Variants in ERAP1 observed in about 807,000 individuals in gnomAD.
ERAP1 encodes the protein adipocyte-derived leucine aminopeptidase.
ERAP1 carries 86 observed loss-of-function variants against 103.7 expected under a neutral mutation model. The ratio of observed to expected loss-of-function variants is 0.83; its 90% CI spans 0.70 to 0.99. The LOEUF is 0.99. Ranked by LOEUF, ERAP1 falls within the 50% of genes least tolerant of loss-of-function variation. The pLI, the probability that ERAP1 is intolerant of heterozygous loss-of-function variation, is 0.00. For missense variants in ERAP1, 1,009 were observed against 1,128.4 expected (o/e 0.89, Z 1.52); for synonymous variants, 398 against 402.4 (o/e 0.99, Z 0.13).
the ERAP1 span, chr5:96,881,323 C>T: frequency 2.3e-6 from 1 of 436,002 alleles, no homozygotes; most frequent in Non-Finnish European, 4.6e-6. Flanking sequence ...AGTGGCAGTG[C>T]TTATGGAGTG....
intron 18 of ERAP1, 172 bp from the exon 19 acceptor site, chr5:96,776,723 C>T (rs1774372732): frequency 2.4e-6 from 2 of 840,136 alleles, no homozygotes; most frequent in African/African-American, 3.4e-5. Context: ...TGAGCTCATG[C>T]CTCATGATGT....
the ERAP1 span, among the ~76,000 whole-genome samples, chr5:96,890,179 C>G: frequency 3.3e-5 from 5 of 152,152 alleles, no homozygotes. Context: ...TGTAGAGAAG[C>G]GATCCCCAAC....
chr5:96,822,427 G>A, the ERAP1 span, among the ~76,000 whole-genome samples: 83 of 152,244 alleles, frequency 5.5e-4, no homozygotes, highest in African/African-American at 1.9e-3. Context: ...ACATTGCTCA[G>A]GAACAAAGGT....
the ERAP1 span, chr5:96,892,518 A>G: frequency 4.5e-6 from 7 of 1,572,226 alleles, no homozygotes; most frequent in Non-Finnish European, 6.1e-6. Flanking sequence ...AACACGACCA[A>G]TCTTCCTGAA....
chr5:96,875,977 T>C, the ERAP1 span: 10 of 152,304 alleles, frequency 6.6e-5, no homozygotes, highest in African/African-American at 2.4e-4. Flanking sequence ...ATCAAAGAGA[T>C]GAGCATGAGA....
At chr5:96,776,921 T>G (rs1001026188) in intron 18 of ERAP1, 2 of 205,076 alleles carry the variant, frequency 9.8e-6, no homozygotes, top group African/African-American at 4.8e-5. Flanking sequence ...ATGTGCAGAG[T>G]CTTTTCTTTG....
the ERAP1 span, among the ~76,000 whole-genome samples, chr5:96,861,600 A>G: frequency 6.6e-6 from 1 of 152,230 alleles, no homozygotes; most frequent in African/African-American, 2.4e-5. Context: ...CTCAGTAATA[A>G]TAAGCACTAA....
At chr5:96,888,339 G>A in the ERAP1 span, among the ~76,000 whole-genome samples, 1 of 152,180 alleles carries the variant, frequency 6.6e-6, no homozygotes, top group Non-Finnish European at 1.5e-5. Context: ...CAGAGGACAG[G>A]TTCCTGTCAG....
At chr5:96,883,465 C>A in the ERAP1 span, among the ~76,000 whole-genome samples, 1 of 152,140 alleles carries the variant, frequency 6.6e-6, no homozygotes, top group Non-Finnish European at 1.5e-5. Flanking sequence ...ATGTAGACAA[C>A]ATGTGTACTA....
At chr5:96,895,848 C>G in the ERAP1 span, among the ~76,000 whole-genome samples, 3 of 152,214 alleles carry the variant, frequency 2.0e-5, no homozygotes, top group South Asian at 6.2e-4. Context: ...CACAAATTTG[C>G]ATATCAAGGT....
At chr5:96,773,609 ATATATT>A (rs1210706258), downstream of ERAP1, 1 of 151,938 alleles carries the variant, frequency 6.6e-6, no homozygotes, top group African/African-American at 2.4e-5. Flanking sequence ...AATTATATAT[ATATATT>A]AAATTTGAAA....
intron 19 of ERAP1, chr5:96,769,401 T>TG (rs1561630141): frequency 6.6e-6 from 1 of 151,882 alleles, no homozygotes; most frequent in African/African-American, 2.4e-5. Context: ...TTTTTGTTTT[T>TG]TTTTTTTTGC....
upstream of ERAP1, chr5:96,808,221 T>A (rs1368967572): frequency 1.0e-5 from 5 of 494,924 alleles, no homozygotes; most frequent in Admixed American, 6.9e-5. Flanking sequence ...TGTGTGTGTG[T>A]GTGTGTGTGT....
At chr5:96,773,083 C>A (rs571338771), downstream of ERAP1, 2 of 153,952 alleles carry the variant, frequency 1.3e-5, no homozygotes, top group South Asian at 4.1e-4. Flanking sequence ...TTATTACCCC[C>A]TTTCCTCTTG....
At chr5:96,779,112 T>C (rs895055501) in intron 18 of ERAP1, among the ~76,000 whole-genome samples, 1 of 152,232 alleles carries the variant, frequency 6.6e-6, no homozygotes, top group African/African-American at 2.4e-5. Flanking sequence ...CCTTGCCTTA[T>C]TCATCTTCAG....
chr5:96,918,313 A>G, the ERAP1 span: 1 of 152,288 alleles, frequency 6.6e-6, no homozygotes, highest in Non-Finnish European at 1.5e-5. Context: ...TTAGTATTCT[A>G]TAGTTTGCCC....
chr5:96,877,844 G>A, the ERAP1 span, among the ~76,000 whole-genome samples: 1 of 122,612 alleles, frequency 8.2e-6, no homozygotes, highest in Non-Finnish European at 1.7e-5. Context: ...TTTTTAAAAA[G>A]AGGGAGAAGT....
chr5:96,835,749 G>T, the ERAP1 span, among the ~76,000 whole-genome samples: 1 of 152,214 alleles, frequency 6.6e-6, no homozygotes, highest in African/African-American at 2.4e-5. Context: ...CTCACAAGTC[G>T]GAAAGGCCCA....
intron 18 of ERAP1, among the ~76,000 whole-genome samples, chr5:96,777,328 T>C (rs1774481693): frequency 1.3e-5 from 2 of 152,192 alleles, no homozygotes; most frequent in Admixed American, 6.5e-5. Flanking sequence ...CATTAATCCA[T>C]CAATTTTTGA....
Sources: gnomAD v4.1 joint callset for allele counts (sites outside exome capture counted in the v4.1 genomes callset) on GRCh38, gnomAD v4.1.1 for gene constraint, MANE v1.5 for transcripts, NCBI Gene and HGNC (gene_info 2026-07-23, HGNC 2026-07-21) for gene names.